Variants in NFIB observed in about 807,000 individuals in gnomAD.
NFIB encodes nuclear factor 1 B-type.
NFIB carries 11 observed loss-of-function variants against 61.5 expected under a neutral mutation model. The ratio of observed to expected loss-of-function variants is 0.18; its 90% CI spans 0.11 to 0.30. NFIB has a LOEUF of 0.30. Among genes scored for constraint, NFIB ranks in the 10% least tolerant of loss-of-function variants. The pLI, the probability that NFIB is intolerant of heterozygous loss-of-function variation, is 1.00. For missense variants in NFIB, 471 were observed against 608.9 expected (o/e 0.77, Z 2.38); for synonymous variants, 260 against 216.5 (o/e 1.20, Z -1.76).
At chr9:14,134,913 A>AAAAAGAAAAAG (rs1554644521) in intron 6 of NFIB, among the ~76,000 whole-genome samples, 49 of 133,382 alleles carry the variant, frequency 3.7e-4, no homozygotes, top group African/African-American at 1.2e-3. Context: ...AAAAAAAAAA[A>AAAAAGAAAAAG]AAAAAAAGGA....
upstream of NFIB, among the ~76,000 whole-genome samples, chr9:14,318,667 A>G (rs890931725): frequency 2.6e-5 from 4 of 152,158 alleles, no homozygotes; most frequent in Non-Finnish European, 4.4e-5. Context: ...GCAAAACTGC[A>G]AGTATCTACT....
At chr9:14,387,968 G>A (rs2061568613) in intron 1 of NFIB, among the ~76,000 whole-genome samples, 1 of 152,146 alleles carries the variant, frequency 6.6e-6, no homozygotes, top group South Asian at 2.1e-4. Flanking sequence ...CAACTGTGAG[G>A]CACTGCTATA....
the NFIB span, among the ~76,000 whole-genome samples, chr9:14,448,058 A>T: frequency 6.6e-6 from 1 of 152,182 alleles, no homozygotes; most frequent in Non-Finnish European, 1.5e-5. Context: ...AAAAGTATAT[A>T]ACTTGTGGTT....
chr9:14,446,084 G>T, the NFIB span, among the ~76,000 whole-genome samples: 1 of 152,182 alleles, frequency 6.6e-6, no homozygotes, highest in African/African-American at 2.4e-5. Flanking sequence ...TCATTGCTGA[G>T]ATAGGTGCTT....
Position 14,086,197 on chromosome 9 carries a change from C to G in NFIB, c.*2112G>C, listed in dbSNP as rs541769690. The G allele has an allele frequency of 1.3e-5, 3 of 223,276 alleles. No homozygotes were observed. In the East Asian group the frequency reaches 1.9e-4, roughly 14 times the overall value. The allele number at this position is 223,276 out of a possible 1,614,324, so 13.8% of individuals were successfully genotyped here. A position where few individuals can be genotyped will look rare whatever the true frequency, so the allele number is the denominator to read the frequency against. On this transcript the variant is annotated 3_prime_UTR_variant, in exon 11 of 11. Transcript: ENST00000380953. ...CAGCCCAGGCCCATCTCAGGGTGCA[C>G]TGCTTCACAGCTACACTGCAAAGTG...
chr9:14,483,528 T>C, the NFIB span, among the ~76,000 whole-genome samples: 1 of 152,156 alleles, frequency 6.6e-6, no homozygotes, highest in Non-Finnish European at 1.5e-5. Context: ...ACATCCTGAG[T>C]TAAATCTTGC....
the NFIB span, among the ~76,000 whole-genome samples, chr9:14,462,534 G>C: frequency 6.6e-6 from 1 of 151,970 alleles, no homozygotes; most frequent in African/African-American, 2.4e-5. Context: ...AGCCCGCCTC[G>C]GCCTCCCAAA....
the NFIB span, among the ~76,000 whole-genome samples, chr9:14,498,476 G>C: frequency 0.023 from 3,506 of 152,258 alleles, 146 homozygotes; most frequent in African/African-American, 0.08. Flanking sequence ...AAGGAAAGTG[G>C]ATATAACTCT....
intron 2 of NFIB, among the ~76,000 whole-genome samples, chr9:14,271,802 G>A (rs2057646099): frequency 1.3e-5 from 2 of 152,174 alleles, no homozygotes; most frequent in Non-Finnish European, 2.9e-5. Context: ...CCATTTCACA[G>A]AGCAAAACAA....
At position 14,085,848 on chromosome 9, in the gene NFIB, G is replaced by C. The variant is rs181708567; in HGVS notation, c.*2461C>G. On this transcript the variant is annotated 3_prime_UTR_variant, in exon 11 of 11. Transcript: ENST00000380953. ...AACAGGTCTAATGTGTTTTCTAGGA[G>C]AAAGAATATTCATGTGTTAAACTCT... 5.4e-5 allele frequency: 12 copies of C among 222,902 alleles called. No individual in the cohort carries two copies. The East Asian group carries it at 6.5e-4, about 12-fold the overall frequency. The allele number at this position is 222,902 out of a possible 1,614,324, so 13.8% of individuals were successfully genotyped here. A position where few individuals can be genotyped will look rare whatever the true frequency, so the allele number is the denominator to read the frequency against.
chr9:14,275,183 G>A (rs1026334991), intron 2 of NFIB, among the ~76,000 whole-genome samples: 1 of 152,108 alleles, frequency 6.6e-6, no homozygotes, highest in African/African-American at 2.4e-5. Context: ...TGTTTTACGT[G>A]GACAAGGCCA....
chr9:14,360,187 T>C (rs2132942369), intron 1 of NFIB, among the ~76,000 whole-genome samples: 1 of 152,346 alleles, frequency 6.6e-6, no homozygotes, highest in South Asian at 2.1e-4. Context: ...ATCATGTTCA[T>C]TTGTGCTACA....
chr9:14,355,558 T>A (rs1009193653), intron 1 of NFIB, among the ~76,000 whole-genome samples: 4 of 152,194 alleles, frequency 2.6e-5, no homozygotes, highest in African/African-American at 9.7e-5. Flanking sequence ...ATTTGAAGAA[T>A]CTTTTGCTTT....
chr9:14,528,235 A>C, the NFIB span, among the ~76,000 whole-genome samples: 1 of 152,224 alleles, frequency 6.6e-6, no homozygotes, highest in African/African-American at 2.4e-5. Flanking sequence ...TGAGAACAAA[A>C]TTTGATTATT....
chr9:14,407,462 G>T, the NFIB span, among the ~76,000 whole-genome samples: 1 of 152,156 alleles, frequency 6.6e-6, no homozygotes, highest in Non-Finnish European at 1.5e-5. Flanking sequence ...CTGGGCATAG[G>T]TCTGAGGAGG....
At chr9:14,253,936 C>T (rs912494287) in intron 2 of NFIB, among the ~76,000 whole-genome samples, 9 of 152,114 alleles carry the variant, frequency 5.9e-5, no homozygotes, top group Admixed American at 3.9e-4. Flanking sequence ...TTGACTTTTG[C>T]TCATGCTGTT....
chr9:14,241,910 T>A (rs1313082680), intron 2 of NFIB, among the ~76,000 whole-genome samples: 1 of 152,188 alleles, frequency 6.6e-6, no homozygotes, highest in African/African-American at 2.4e-5. Flanking sequence ...GACTCTAGAT[T>A]CTTTATATAC....
chr9:14,173,116 T>G lies in NFIB; in HGVS notation c.616+6611A>C, dbSNP rs73411981. ...AGGAAGCCTTCTTGATCAAACTAGCTGAAGAGAAAGTAGAATGAAAAAACC... is the reference window on the plus strand; with the variant it reads ...AGGAAGCCTTCTTGATCAAACTAGCGGAAGAGAAAGTAGAATGAAAAAACC... On this transcript the variant is annotated intron_variant, in intron 3 of 10. Transcript: ENST00000380953. Among the ~76,000 whole-genome samples, 367 of 152,276 alleles carry G rather than the reference T, an allele frequency of 2.4e-3. 1 individual carries two copies. The highest frequency in any genetic ancestry group is 8.4e-3 in the African/African-American group (349 of 41,540).
At chr9:14,258,513 T>A (rs1345808617) in intron 2 of NFIB, among the ~76,000 whole-genome samples, 2 of 152,266 alleles carry the variant, frequency 1.3e-5, no homozygotes, top group African/African-American at 4.8e-5. Flanking sequence ...ACAGATGATG[T>A]TGCACTACTA....
Sources: gnomAD v4.1 joint callset for allele counts (sites outside exome capture counted in the v4.1 genomes callset) on GRCh38, gnomAD v4.1.1 for gene constraint, MANE v1.5 for transcripts, NCBI Gene and HGNC (gene_info 2026-07-23, HGNC 2026-07-21) for gene names.